The following NAT1 variants were observed in gnomAD, a reference collection of about 807,000 sequenced individuals.
NAT1 encodes N-acetyltransferase 1.
For missense variants in NAT1, 400 were observed against 339.2 expected, an observed-to-expected ratio of 1.18 and a Z score of -1.41; for synonymous variants, 144 against 122.6, an observed-to-expected ratio of 1.17 and a Z score of -1.16.
chr8:18,192,658 C>T (rs1204406145), intron 2 of NAT1, among the ~76,000 whole-genome samples: 1 of 151,836 alleles, frequency 6.6e-6, no homozygotes, highest in Non-Finnish European at 1.5e-5. Flanking sequence ...TACTATGCAG[C>T]CATAAAAAAG....
rs185874707 is a variant in NAT1, at chr8:18,173,165, C to T, written n.92+2426C>T. ...AGAGATGCACACACACACACACACA[C>T]ACACACACACACAATGATCATGTGC... On this transcript the variant is annotated intron_variant and non_coding_transcript_variant, in intron 2 of 4. Coordinates refer to the NAT1 transcript ENST00000517441. Among the ~76,000 whole-genome samples, 738 of 152,128 alleles carry T rather than the reference C, an allele frequency of 4.9e-3. 3 individuals are homozygous for T. Among genetic ancestry groups the T allele is most frequent in the Non-Finnish European group, 7.5e-3 (508 of 67,968 alleles).
chr8:18,176,636 G>C lies in NAT1; in HGVS notation n.92+5897G>C, dbSNP rs190922301. ...TTTACAATACATTCATAATATTTTT[G>C]AAATCAGGAAATGTGATGCCTTCTA... On this transcript the variant is annotated intron_variant and non_coding_transcript_variant, in intron 2 of 4. Coordinates refer to the NAT1 transcript ENST00000517441. Among the ~76,000 whole-genome samples the C allele has an allele frequency of 1.1e-3, 170 of 148,688 alleles. 1 individual carries two copies. The highest frequency in any genetic ancestry group is 4.0e-3 in the African/African-American group (162 of 40,124).
chr8:18,222,821 G>T lies in NAT1; in HGVS notation c.774G>T (p.Leu258=). The change falls in exon 3 of 3, where the codon CTG becomes CTT. Residue 258 remains leucine, a synonymous_variant. Transcript: ENST00000307719. ...DNTDLIEFKT[L]SEEEIEKVLK... ...CAGATCTAATAGAGTTCAAGACTCT[G>T]AGTGAGGAAGAAATAGAAAAAGTGC... The T allele has an allele frequency of 1.2e-6, 2 of 1,606,892 alleles. No homozygotes were observed. The highest frequency in any genetic ancestry group is 1.7e-6 in the Non-Finnish European group (2 of 1,177,594).
At chr8:18,188,824 G>T (rs1295012663) in intron 2 of NAT1, among the ~76,000 whole-genome samples, 1 of 150,922 alleles carries the variant, frequency 6.6e-6, no homozygotes, top group Non-Finnish European at 1.5e-5. Context: ...ATGAAACCCC[G>T]TCTCTACTAA....
intron 2 of NAT1, among the ~76,000 whole-genome samples, chr8:18,199,300 CA>C (rs1418048512): frequency 2.0e-5 from 2 of 101,790 alleles, no homozygotes; most frequent in Admixed American, 2.2e-4. Flanking sequence ...GGCGACAAAA[CA>C]AGAAAGACTC....
chr8:18,179,492 G>A (rs1802426072), intron 2 of NAT1, among the ~76,000 whole-genome samples: 1 of 152,150 alleles, frequency 6.6e-6, no homozygotes. Flanking sequence ...ACTTGTCTCA[G>A]TGTCAGCTGG....
At chr8:18,189,660 T>C (rs1212780593) in intron 2 of NAT1, among the ~76,000 whole-genome samples, 4 of 152,208 alleles carry the variant, frequency 2.6e-5, no homozygotes. Flanking sequence ...GGTTGTTTCT[T>C]GCCTTTTCTC....
intron 2 of NAT1, among the ~76,000 whole-genome samples, chr8:18,190,872 GC>G (rs1360882554): frequency 6.6e-6 from 1 of 152,090 alleles, no homozygotes; most frequent in East Asian, 1.9e-4. Flanking sequence ...TTCCAGACCA[GC>G]CTGGCCAACA....
chr8:18,194,664 A>G (rs532100686), intron 2 of NAT1, among the ~76,000 whole-genome samples: 1 of 152,144 alleles, frequency 6.6e-6, no homozygotes, highest in South Asian at 2.1e-4. Context: ...TACTAAAAAT[A>G]CAAAAATTAG....
chr8:18,181,564 T>A (rs1222658802), intron 2 of NAT1, among the ~76,000 whole-genome samples: 1 of 152,172 alleles, frequency 6.6e-6, no homozygotes, highest in East Asian at 1.9e-4. Context: ...TATTTCTTTC[T>A]CTTGTCTGAT....
chr8:18,186,929 G>T (rs1802761336), intron 2 of NAT1, among the ~76,000 whole-genome samples: 1 of 152,150 alleles, frequency 6.6e-6, no homozygotes, highest in South Asian at 2.1e-4. Context: ...AGTGAAAGCT[G>T]CAGGGAAGGG....
chr8:18,221,506 G>A (rs1479738999), intron 2 of NAT1, among the ~76,000 whole-genome samples: 4 of 152,028 alleles, frequency 2.6e-5, no homozygotes, highest in Admixed American at 2.6e-4. Context: ...GAGTAAGCAA[G>A]CACTAGAACA....
chr8:18,206,658 G>A (rs1025105936), upstream of NAT1, among the ~76,000 whole-genome samples: 1 of 152,092 alleles, frequency 6.6e-6, no homozygotes, highest in African/African-American at 2.4e-5. Flanking sequence ...ACTTTTTAAT[G>A]GGGTTGCTTG....
chr8:18,193,936 C>T (rs936436736), intron 2 of NAT1, among the ~76,000 whole-genome samples: 9 of 152,142 alleles, frequency 5.9e-5, no homozygotes, highest in African/African-American at 1.4e-4. Context: ...CCACCACACC[C>T]GGCCTAAACC....
At chr8:18,215,938 C>A (rs1804612814) in intron 1 of NAT1, among the ~76,000 whole-genome samples, 1 of 152,074 alleles carries the variant, frequency 6.6e-6, no homozygotes, top group Admixed American at 6.5e-5. Flanking sequence ...ATGCCTTTCT[C>A]TGAAGATGAT....
intron 2 of NAT1, among the ~76,000 whole-genome samples, chr8:18,202,866 C>T (rs1053503824): frequency 3.9e-5 from 6 of 152,072 alleles, no homozygotes; most frequent in Admixed American, 6.5e-5. Context: ...CTTGGGTGAC[C>T]GGCTGTTATT....
chr8:18,211,920 C>T (rs949336909), intron 1 of NAT1, among the ~76,000 whole-genome samples: 7 of 152,186 alleles, frequency 4.6e-5, no homozygotes, highest in African/African-American at 1.4e-4. Context: ...ATGCAGCAGG[C>T]GTAGATGATT....
intron 1 of NAT1, among the ~76,000 whole-genome samples, 163 bp downstream of exon 1, chr8:18,210,343 G>C (rs547078775): frequency 6.6e-6 from 1 of 152,292 alleles, no homozygotes; most frequent in South Asian, 2.1e-4. Context: ...CTACTCCACA[G>C]CTTAGTGGTG....
intron 2 of NAT1, among the ~76,000 whole-genome samples, chr8:18,184,680 T>G (rs1055863228): frequency 1.3e-5 from 2 of 152,184 alleles, no homozygotes; most frequent in African/African-American, 4.8e-5. Flanking sequence ...CCAACAGTAG[T>G]GGGAGGCAGG....
Sources: gnomAD v4.1 joint callset for allele counts (sites outside exome capture counted in the v4.1 genomes callset) on GRCh38, gnomAD v4.1.1 for gene constraint, MANE v1.5 for transcripts, NCBI Gene and HGNC (gene_info 2026-07-23, HGNC 2026-07-21) for gene names.